PLEKHM3: variants seen among roughly 807,000 people sequenced by gnomAD.
PLEKHM3 encodes pleckstrin homology domain-containing family M member 3.
Under a neutral mutation model 81.8 loss-of-function variants are expected in PLEKHM3, and 45 were observed. That is an observed-to-expected ratio of 0.55 (90% CI 0.43 to 0.71). PLEKHM3 has a LOEUF of 0.71. PLEKHM3 is among the 30% of genes least tolerant of loss of function. PLEKHM3 has a pLI of 0.00. For synonymous variants in PLEKHM3, 352 were observed against 356.4 expected, an observed-to-expected ratio of 0.99 and a Z score of 0.14; for missense variants, 788 against 924.3, an observed-to-expected ratio of 0.85 and a Z score of 1.91.
intron 5 of PLEKHM3, among the ~76,000 whole-genome samples, chr2:207,920,862 C>CAA (rs1323243581): frequency 6.6e-6 from 1 of 152,112 alleles, no homozygotes; most frequent in Non-Finnish European, 1.5e-5. Flanking sequence ...AGCACTAACC[C>CAA]AATTGTCATG....
chr2:207,977,977 C>T (rs999369072), intron 2 of PLEKHM3, among the ~76,000 whole-genome samples: 1 of 152,132 alleles, frequency 6.6e-6, no homozygotes, highest in African/African-American at 2.4e-5. Flanking sequence ...GCCCTAGCTA[C>T]TCAGGAGGCT....
intron 1 of PLEKHM3, among the ~76,000 whole-genome samples, chr2:208,007,631 A>G (rs1692539167): frequency 6.6e-6 from 1 of 152,198 alleles, no homozygotes; most frequent in Admixed American, 6.5e-5. Flanking sequence ...TAAAAAAATA[A>G]TTTGGGCTGG....
At chr2:207,890,041 G>T (rs867844448) in intron 6 of PLEKHM3, among the ~76,000 whole-genome samples, 2 of 152,106 alleles carry the variant, frequency 1.3e-5, no homozygotes, top group Non-Finnish European at 2.9e-5. Context: ...CCAAGCTCAG[G>T]CAATCTGCCC....
At chr2:207,924,196 C>T (rs114682181) in intron 5 of PLEKHM3, among the ~76,000 whole-genome samples, 2,699 of 151,550 alleles carry the variant, frequency 0.018, 31 homozygotes, top group Middle Eastern at 0.055. Context: ...TGAGCTGCTG[C>T]GCCTGGCCCA....
chr2:207,978,775 G>A (rs905038544), intron 2 of PLEKHM3, among the ~76,000 whole-genome samples: 2 of 147,186 alleles, frequency 1.4e-5, no homozygotes, highest in African/African-American at 5.0e-5. Flanking sequence ...CCCCAACCTC[G>A]CCTACACACA....
rs576038414 is a variant in PLEKHM3, at chr2:207,980,351, C to T, written c.611-2765G>A. 3.9e-5 allele frequency among the ~76,000 whole-genome samples: 6 copies of T among 152,238 alleles called. No homozygotes were observed. In the South Asian group the frequency reaches 1.2e-3, roughly 32 times the overall value. ...GGTGGCAGGTGCCAGCTTGGGTGGA[C>T]TGAATGAGAAGACCGGCGAGGGAAT... On this transcript the variant is annotated intron_variant, in intron 2 of 7. Transcript: ENST00000427836.
chr2:207,880,788 A>AAAAAAAAAAAAAAC (rs71036962), intron 6 of PLEKHM3, among the ~76,000 whole-genome samples: 1 of 58,178 alleles, frequency 1.7e-5, no homozygotes, highest in African/African-American at 5.7e-5. Context: ...AAAAAAAAAA[A>AAAAAAAAAAAAAAC]CCAAAAAAAC....
chr2:207,945,082 A>G (rs932763247), intron 4 of PLEKHM3, among the ~76,000 whole-genome samples: 4 of 152,210 alleles, frequency 2.6e-5, no homozygotes, highest in African/African-American at 9.7e-5. Context: ...CATTAAGGTC[A>G]CTAATTACCT....
intron 5 of PLEKHM3, among the ~76,000 whole-genome samples, chr2:207,917,276 C>T (rs1026034658): frequency 1.3e-5 from 2 of 152,296 alleles, no homozygotes; most frequent in East Asian, 1.9e-4. Context: ...CCACAAAATT[C>T]GGGTAACCTT....
At chr2:208,018,379 AAAAAAG>A (rs1260830830) in intron 1 of PLEKHM3, among the ~76,000 whole-genome samples, 11 of 151,822 alleles carry the variant, frequency 7.2e-5, no homozygotes, top group Non-Finnish European at 8.8e-5. Flanking sequence ...CTCAAAAAAA[AAAAAAG>A]AAAAGAAAAG....
At chr2:207,923,905 A>ATATATATATATATATT (rs1396762429) in intron 5 of PLEKHM3, among the ~76,000 whole-genome samples, 26 of 28,332 alleles carry the variant, frequency 9.2e-4, no homozygotes, top group Admixed American at 1.5e-3. Flanking sequence ...ATATATATAT[A>ATATATATATATATATT]TTTTTTTTTT....
chr2:207,873,662 G>T (rs899938935), intron 6 of PLEKHM3, among the ~76,000 whole-genome samples: 9 of 152,174 alleles, frequency 5.9e-5, no homozygotes, highest in Non-Finnish European at 2.9e-5. Context: ...GGGAAGTAAG[G>T]CCTTTTAAGA....
At chr2:207,853,561 C>G (rs2092423642) in intron 7 of PLEKHM3, among the ~76,000 whole-genome samples, 1 of 151,766 alleles carries the variant, frequency 6.6e-6, no homozygotes, top group Admixed American at 6.6e-5. Flanking sequence ...TGGTGAAACT[C>G]TGTCTCTACT....
chr2:207,984,235 A>G (rs917426979), intron 2 of PLEKHM3, among the ~76,000 whole-genome samples: 2 of 152,128 alleles, frequency 1.3e-5, no homozygotes, highest in Non-Finnish European at 2.9e-5. Flanking sequence ...AATCACAGAC[A>G]TTTGTTTTAT....
Position 207,977,554 on chromosome 2 carries a change from T to C in PLEKHM3, c.643A>G (p.Lys215Glu), listed in dbSNP as rs1417145488. Residue 215 changes from lysine (K) to glutamate (E), a missense_variant, in exon 3 of 8, where the codon AAG becomes GAG. Lys to Glu is a moderately conservative substitution (Grantham distance 56, BLOSUM62 1). Transcript: ENST00000427836. Reference sequence around the variant, plus strand: ...TCCTTTCTAATCTCCAGGTAACCCTTCTTTAGAATGTTTGGGAATGTCTGC... The same window carrying C: ...TCCTTTCTAATCTCCAGGTAACCCTCCTTTAGAATGTTTGGGAATGTCTGC... ...HKQTFPNILK[K>E]GYLEIRKDHD... 3 of 1,611,204 alleles carry C rather than the reference T, an allele frequency of 1.9e-6. No homozygotes were observed. In the Admixed American group the frequency reaches 5.0e-5, roughly 27 times the overall value.
At chr2:208,020,985 A>G (rs780715730) in intron 1 of PLEKHM3, among the ~76,000 whole-genome samples, 7 of 152,272 alleles carry the variant, frequency 4.6e-5, no homozygotes, top group Non-Finnish European at 1.0e-4. Context: ...AGTTCCCATT[A>G]AAGTCAGGCC....
intron 7 of PLEKHM3, among the ~76,000 whole-genome samples, chr2:207,858,712 C>G (rs1168159537): frequency 6.6e-6 from 1 of 152,062 alleles, no homozygotes; most frequent in Non-Finnish European, 1.5e-5. Context: ...AACTCTTGTC[C>G]TCAAGTGATC....
At chr2:207,920,652 TA>T (rs1689150466) in intron 5 of PLEKHM3, among the ~76,000 whole-genome samples, 1 of 140,676 alleles carries the variant, frequency 7.1e-6, no homozygotes, top group Admixed American at 7.1e-5. Flanking sequence ...GCAGTTTGCC[TA>T]TTTTTTTTTT....
chr2:207,876,272 T>C (rs2092559434), intron 6 of PLEKHM3, among the ~76,000 whole-genome samples: 1 of 152,054 alleles, frequency 6.6e-6, no homozygotes, highest in East Asian at 1.9e-4. Context: ...TTATAACAAA[T>C]ATTTAAATTG....
Sources: gnomAD v4.1 joint callset for allele counts (sites outside exome capture counted in the v4.1 genomes callset) on GRCh38, gnomAD v4.1.1 for gene constraint, MANE v1.5 for transcripts, NCBI Gene and HGNC (gene_info 2026-07-23, HGNC 2026-07-21) for gene names.